The following GAS6 variants were observed in gnomAD, a reference collection of about 807,000 sequenced individuals.
The protein encoded by GAS6 is growth arrest specific 6.
In GAS6, 41 loss-of-function variants were observed where a neutral mutation model predicts 75.8. That is an observed-to-expected ratio of 0.54 (90% CI 0.42 to 0.70). The LOEUF is 0.70. Among genes scored for constraint, GAS6 ranks in the 30% least tolerant of loss-of-function variants. The pLI is 0.00. For missense variants in GAS6, 854 were observed against 940.2 expected, an observed-to-expected ratio of 0.91 and a Z score of 1.20; for synonymous variants, 432 against 412.6, an observed-to-expected ratio of 1.05 and a Z score of -0.57.
chr13:113,835,684 C>A, intron 6 of GAS6, 49 bp from the exon 7 acceptor site: 2 of 1,599,662 alleles, frequency 1.3e-6, no homozygotes, highest in East Asian at 2.2e-5. Context: ...GCATCTCAGA[C>A]GGGGCTGGGG....
chr13:113,832,345 C>T lies in GAS6; in HGVS notation c.1097G>A (p.Arg366His), dbSNP rs200492385. 485 of 1,604,654 alleles carry T rather than the reference C, an allele frequency of 3.0e-4. 1 individual carries two copies. The highest frequency in any genetic ancestry group is 3.7e-4 in the Non-Finnish European group (440 of 1,179,842). ...GATGACCGGGCCGCTGCTGGTGACA[C>T]GGCCGACACCGTTGTAGCGCAGCTG... Reference protein sequence around the residue: ...ELQLRYNGVGRVTSSGPVINH... With the variant: ...ELQLRYNGVGHVTSSGPVINH... Residue 366 changes from arginine (R) to histidine (H), a missense_variant, in exon 10 of 15, where the codon CGT becomes CAT. Transcript: ENST00000327773.
chr13:113,835,980 C>T (rs2051698436), intron 6 of GAS6: 1 of 1,073,016 alleles, frequency 9.3e-7, no homozygotes, highest in Non-Finnish European at 1.1e-6. Context: ...TAAAAAGTAA[C>T]CCCCCGGGGG....
rs373825026 is a variant in GAS6, at chr13:113,832,364, G to A, written c.1078C>T (p.Arg360Cys). 1.3e-5 allele frequency: 21 copies of A among 1,608,896 alleles called. No individual in the cohort carries two copies. The highest frequency in any genetic ancestry group is 1.7e-5 in the Non-Finnish European group (20 of 1,179,914). The change falls in exon 10 of 15, where the codon CGC becomes TGC. Residue 360 changes from arginine (R) to cysteine (C), a missense_variant. Coordinates refer to ENST00000327773, the MANE Select transcript of GAS6 (RefSeq NM_000820.4). ...LRAGRLELQLRYNGVGRVTSS... is the reference protein window; with the variant it reads ...LRAGRLELQLCYNGVGRVTSS... ...GTGACACGGCCGACACCGTTGTAGC[G>A]CAGCTGCAGCTCCAGCCGGCCGGCT...
intron 2 of GAS6, among the ~76,000 whole-genome samples, chr13:113,856,238 G>GTAT (rs2051913096): frequency 6.6e-6 from 1 of 152,236 alleles, no homozygotes; most frequent in South Asian, 2.1e-4. Flanking sequence ...ATGGGTGCCA[G>GTAT]TATGCTCACA....
Position 113,848,683 on chromosome 13 carries a change from A to G in GAS6, c.256-633T>C, listed in dbSNP as rs2051851734. Among the ~76,000 whole-genome samples, 1 of 152,168 alleles carries G rather than the reference A, an allele frequency of 6.6e-6. No individual in the cohort carries two copies. Among genetic ancestry groups the G allele is most frequent in the Non-Finnish European group, 1.5e-5 (1 of 68,032 alleles). On this transcript the variant is annotated intron_variant, in intron 2 of 14. Coordinates refer to ENST00000327773, the MANE Select transcript of GAS6 (RefSeq NM_000820.4). The surrounding 1 kb of genome is among the most constrained non-coding windows in gnomAD (Gnocchi z 4.8). Reference sequence around the variant, plus strand: ...CTGGTTAAAGCAGCCTCCAATCTCCAGCTTAGGGTCAACCATGCCAGCAGT... The same window carrying G: ...CTGGTTAAAGCAGCCTCCAATCTCCGGCTTAGGGTCAACCATGCCAGCAGT...
chr13:113,856,961 G>A (rs2051920116), intron 2 of GAS6, among the ~76,000 whole-genome samples: 1 of 152,218 alleles, frequency 6.6e-6, no homozygotes, highest in Non-Finnish European at 1.5e-5. Context: ...CGAACGTTTG[G>A]CCTTTTTATG....
rs139122222 is a variant in GAS6 at position 113,853,426 on chromosome 13, T to C, written c.256-5376A>G. 2.7e-4 allele frequency among the ~76,000 whole-genome samples: 41 copies of C among 152,380 alleles called. No individual in the cohort carries two copies. The East Asian group carries it at 7.9e-3, about 29-fold the overall frequency. On this transcript the variant is annotated intron_variant, in intron 2 of 14. Coordinates refer to ENST00000327773, the MANE Select transcript of GAS6 (RefSeq NM_000820.4). ...AGAGGTCAGTGAACGTGGAGAACCT[T>C]CTGCAAACACCCGATGTCAGTCCTG...
rs1417529052 is a variant in GAS6 at position 113,863,686 on chromosome 13, G to A, written c.144C>T (p.Arg48=). The A allele has an allele frequency of 3.3e-6, 5 of 1,517,394 alleles. No individual in the cohort carries two copies. The highest frequency in any genetic ancestry group is 2.1e-5 in the Admixed American group (1 of 48,104). 94.0% of individuals were successfully genotyped at this position (1,517,394 alleles called of 1,614,324 possible). ...ATQFLRPRQR[R]AFQVFEEAKQ... ...TGGCCTCCTCGAAGACCTGAAAGGC[G>A]CGGCGCTGCCTGGGCCGCAGGAACT... Residue 48 remains arginine, a synonymous_variant, in exon 2 of 15, where the codon CGC becomes CGT. Coordinates refer to ENST00000327773, the MANE Select transcript of GAS6 (RefSeq NM_000820.4). This position sits in a 1 kb window ranked among gnomAD's most constrained non-coding sequence, Gnocchi z 9.4.
Position 113,858,743 on chromosome 13 carries a change from GTC to G in GAS6, c.255+4830_255+4831del, listed in dbSNP as rs550292089. Among the ~76,000 whole-genome samples, 397 of 152,084 alleles carry G rather than the reference GTC, an allele frequency of 2.6e-3. 2 individuals carry two copies. Among genetic ancestry groups the G allele is most frequent in the South Asian group, 4.6e-3 (22 of 4,804 alleles). ...TGAATGTGTGCATGTATGTGTACAT[GTC>G]TGTTAGTATGTGTGTGCGTGTCATT... On this transcript the variant is annotated intron_variant, in intron 2 of 14. Coordinates refer to ENST00000327773, the MANE Select transcript of GAS6 (RefSeq NM_000820.4).
At chr13:113,821,119 C>T (rs1305809274) in intron 14 of GAS6, 101 bp from the exon 15 acceptor site, 15 of 1,279,894 alleles carry the variant, frequency 1.2e-5, no homozygotes, top group Non-Finnish European at 1.7e-5. Flanking sequence ...CCCGGGTTCC[C>T]TCCGAAAGGG....
intron 14 of GAS6, chr13:113,821,735 G>C: frequency 3.8e-6 from 2 of 522,708 alleles, no homozygotes; most frequent in Admixed American, 3.6e-5. Flanking sequence ...GGCCAATGCC[G>C]GCCCCCGTAC....
chr13:113,846,503 A>C (rs750343215), intron 4 of GAS6, 24 bp downstream of exon 4: 1 of 1,611,296 alleles, frequency 6.2e-7, no homozygotes, highest in Non-Finnish European at 8.5e-7. Flanking sequence ...TGCTCCCAGG[A>C]AGGCGCAAAG....
At chr13:113,835,169 C>T (rs1004321930) in intron 7 of GAS6, among the ~76,000 whole-genome samples, 13 of 152,354 alleles carry the variant, frequency 8.5e-5, no homozygotes, top group Admixed American at 4.6e-4. Context: ...CTCCCCATGG[C>T]GGCTGGAAAG....
At chr13:113,850,228 G>A (rs2051862730) in intron 2 of GAS6, among the ~76,000 whole-genome samples, 1 of 152,102 alleles carries the variant, frequency 6.6e-6, no homozygotes, top group Non-Finnish European at 1.5e-5. Flanking sequence ...CTGCACTACT[G>A]CTTGTTCAGG....
chr13:113,823,599 C>T (rs2051490835), intron 12 of GAS6, 49 bp from the exon 13 acceptor site: 2 of 1,551,618 alleles, frequency 1.3e-6, no homozygotes, highest in Admixed American at 1.8e-5. Context: ...GTGGAGAGGC[C>T]ACAGTGAGGT....
At chr13:113,835,717 A>T (rs2051694876) in intron 6 of GAS6, 82 bp from the exon 7 acceptor site, 1 of 1,552,730 alleles carries the variant, frequency 6.4e-7, no homozygotes, top group Non-Finnish European at 8.7e-7. Flanking sequence ...GGGACTGGCC[A>T]GGGCACCACC....
In GAS6 at chr13:113,830,794, C is replaced by G. The variant is rs12184624; in HGVS notation, c.1143+1505G>C. 2.2e-3 allele frequency among the ~76,000 whole-genome samples: 260 copies of G among 117,518 alleles called. 47 individuals are homozygous for G. The highest frequency in any genetic ancestry group is 5.3e-3 in the African/African-American group (151 of 28,276). 77.1% of individuals were successfully genotyped at this position (117,518 alleles called of 152,430 possible). A position where few individuals can be genotyped will look rare whatever the true frequency, so the allele number is the denominator to read the frequency against. On this transcript the variant is annotated intron_variant, in intron 10 of 14. Transcript: ENST00000327773. ...CCCCGGGCCCCTCCTCCCCATGGCT[C>G]CATCCCCTGCAACACCGCTCCCCCA...
Position 113,820,662 on chromosome 13 carries a change from G to T in GAS6, c.*202C>A. On this transcript the variant is annotated 3_prime_UTR_variant, in exon 15 of 15. Coordinates refer to ENST00000327773, the MANE Select transcript of GAS6 (RefSeq NM_000820.4). The stretch of plus-strand genomic sequence containing the variant: ...TTCGAGCCCGCTCTGCGCTGCGCCG[G>T]CCTCCCCGCGCCCGGGCCCACGGCT... 2 of 590,222 alleles carry T rather than the reference G, an allele frequency of 3.4e-6. No individual in the cohort carries two copies. Among genetic ancestry groups the T allele is most frequent in the Non-Finnish European group, 5.9e-6 (2 of 337,638 alleles). 36.6% of individuals were successfully genotyped at this position (590,222 alleles called of 1,614,324 possible).
rs1159024554 is a variant in GAS6, at chr13:113,848,402, C to A, written c.256-352G>T. On this transcript the variant is annotated intron_variant, in intron 2 of 14. Transcript: ENST00000327773. The surrounding 1 kb of genome is among the most constrained non-coding windows in gnomAD (Gnocchi z 4.8). ...CTGTTGACACAAAGGTCTCTCAAAACCCCAAAGACCTTTCTTTTGGCACAC... is the reference window on the plus strand; with the variant it reads ...CTGTTGACACAAAGGTCTCTCAAAAACCCAAAGACCTTTCTTTTGGCACAC... 6.6e-6 allele frequency among the ~76,000 whole-genome samples: 1 copy of A among 152,206 alleles called. No individual in the cohort carries two copies. Among genetic ancestry groups the A allele is most frequent in the Non-Finnish European group, 1.5e-5 (1 of 68,036 alleles).
Sources: allele counts gnomAD v4.1 joint callset (sites outside exome capture counted in the v4.1 genomes callset), GRCh38; gene constraint gnomAD v4.1.1; non-coding constraint Gnocchi (gnomAD v3.1); transcripts MANE v1.5; gene names NCBI Gene and HGNC (gene_info 2026-07-23, HGNC 2026-07-21).